Variants in EMC1 observed in about 807,000 individuals in gnomAD.
The protein encoded by EMC1 is KIAA0090.
EMC1 carries 103 observed loss-of-function variants against 128.8 expected under a neutral mutation model. The observed-to-expected ratio is 0.80, with a 90% CI of 0.68 to 0.94. EMC1 has a LOEUF of 0.94. Among genes scored for constraint, EMC1 ranks in the 40% least tolerant of loss-of-function variants. EMC1 has a pLI of 0.00. For missense variants in EMC1, 1,083 were observed against 1,250.6 expected (o/e 0.87, Z 2.02); for synonymous variants, 442 against 490.4 (o/e 0.90, Z 1.30).
rs3850531 is a variant in EMC1 at position 19,239,888 on chromosome 1, A to G, written c.884T>C (p.Leu295Ser). 4.7e-3 allele frequency: 7,650 copies of G among 1,614,152 alleles called. 198 individuals are homozygous for G. In the East Asian group the frequency reaches 0.068, roughly 14 times the overall value. The change falls in exon 8 of 23, where the codon TTG becomes TCG. Residue 295 changes from leucine (L) to serine (S), a missense_variant. This residue lies in a region of EMC1 where 544 missense variants were observed against 572.4 expected (regional missense o/e 0.95). Transcript: ENST00000477853. ...CAGCAGAGCATAGTGGCTTGGGGACAAGTGCAGGAAGAACTGGGCCCGGGA... is the reference window on the plus strand; with the variant it reads ...CAGCAGAGCATAGTGGCTTGGGGACGAGTGCAGGAAGAACTGGGCCCGGGA... The part of the protein sequence containing the change: ...DASRAQFFLH[L>S]SPSHYALLQY...
chr1:19,239,694 C>A, intron 8 of EMC1, 124 bp downstream of exon 8: 1 of 955,278 alleles, frequency 1.0e-6, no homozygotes, highest in Non-Finnish European at 1.6e-6. Context: ...AAACCACTTA[C>A]GGGAAGGTGT....
intron 1 of EMC1, among the ~76,000 whole-genome samples, chr1:19,248,603 A>G (rs937699621): frequency 6.6e-6 from 1 of 151,916 alleles, no homozygotes; most frequent in African/African-American, 2.4e-5. Context: ...TATTTTTAGG[A>G]GAGACGGGGT....
Position 19,222,824 on chromosome 1 carries a change from C to T in EMC1, c.2387G>A (p.Trp796Ter), listed in dbSNP as rs1252881522. 1 of 1,609,800 alleles carries T rather than the reference C, an allele frequency of 6.2e-7. No homozygotes were observed. Among genetic ancestry groups the T allele is most frequent in the East Asian group, 2.2e-5 (1 of 44,800 alleles). Residue 796 changes from tryptophan (W) to a stop codon, truncating the protein, a stop_gained, in exon 20 of 23, where the codon TGG (tryptophan) becomes TAG (stop). Coordinates refer to ENST00000477853, the MANE Select transcript of EMC1 (RefSeq NM_015047.3). LOFTEE classifies it high-confidence loss of function. ...HSENWVVYQY[W>*]NTKARRNEFT... ...CTCGTTGCGCCGAGCCTTGGTGTTC[C>T]AGTACTGGTACTGCAGGGATAGGAG...
rs770774290 is a variant in EMC1, at chr1:19,239,321, A to ATGGGACCT, written c.955-20_955-19insAGGTCCCA. 1.8e-5 allele frequency: 29 copies of ATGGGACCT among 1,612,218 alleles called. No individual in the cohort carries two copies. In the Admixed American group the frequency reaches 4.8e-4, roughly 27 times the overall value. On this transcript the variant is annotated intron_variant, in intron 8 of 22. Transcript: ENST00000477853. ...GGGCAGTCTGGGGGAAAAGCAAGGC[A>ATGGGACCT]TCAGCTCCTAAATGGGACCAGTACT...
At position 19,218,726 on chromosome 1, in the gene EMC1, C is replaced by T. The variant is rs1476825508; in HGVS notation, c.*577G>A. On this transcript the variant is annotated 3_prime_UTR_variant, in exon 23 of 23. Coordinates refer to ENST00000477853, the MANE Select transcript of EMC1 (RefSeq NM_015047.3). ...TAAGTTTTGACATCACATATAGATC[C>T]CTCAACCCTAAGTTACTTTGGAGGG... The T allele has an allele frequency of 1.3e-5, 2 of 153,042 alleles. No homozygotes were observed. Among genetic ancestry groups the T allele is most frequent in the African/African-American group, 4.8e-5 (2 of 41,420 alleles). 9.5% of individuals were successfully genotyped at this position (153,042 alleles called of 1,614,324 possible).
intron 17 of EMC1, 141 bp from the exon 18 acceptor site, chr1:19,227,591 G>T (rs1162071291): frequency 1.1e-5 from 11 of 1,030,444 alleles, no homozygotes; most frequent in Non-Finnish European, 1.4e-6. Flanking sequence ...AATGAGCCAG[G>T]AGCAGTGGCT....
rs777919151 is a variant in EMC1 at position 19,227,454 on chromosome 1, G to A, written c.2065-4C>T. ...AACTCAGCTCAGTGGTGAGATCCTA[G>A]GGCAGGGGCAAAAAAGCCTGTAATC... On this transcript the variant is annotated splice_polypyrimidine_tract_variant and splice_region_variant and intron_variant, in intron 17 of 22. Transcript: ENST00000477853. The A allele has an allele frequency of 8.1e-6, 13 of 1,613,946 alleles. No individual in the cohort carries two copies. The highest frequency in any genetic ancestry group is 1.6e-4 in the Middle Eastern group (1 of 6,082).
Position 19,233,153 on chromosome 1 carries a change from T to A in EMC1, c.1433-18A>T. Reference sequence around the variant, plus strand: ...CAAGCCATCTGGTGTAAAGGAAAAGTAACATACTCTACATCAGACTAGGGG... The same window carrying A: ...CAAGCCATCTGGTGTAAAGGAAAAGAAACATACTCTACATCAGACTAGGGG... On this transcript the variant is annotated intron_variant, in intron 13 of 22. Coordinates refer to ENST00000477853, the MANE Select transcript of EMC1 (RefSeq NM_015047.3). The A allele has an allele frequency of 6.2e-7, 1 of 1,604,452 alleles. No homozygotes were observed. Among genetic ancestry groups the A allele is most frequent in the Non-Finnish European group, 8.5e-7 (1 of 1,172,790 alleles).
chr1:19,220,671 C>A, intron 21 of EMC1, 93 bp downstream of exon 21: 1 of 1,012,850 alleles, frequency 9.9e-7, no homozygotes, highest in Non-Finnish European at 1.5e-6. Flanking sequence ...CCTAGCACAG[C>A]ATGAAGGCAC....
At chr1:19,236,337 C>G (rs2093563193) in intron 12 of EMC1, among the ~76,000 whole-genome samples, 1 of 151,154 alleles carries the variant, frequency 6.6e-6, no homozygotes, top group Admixed American at 6.6e-5. Flanking sequence ...CCAGCCTGGG[C>G]AACAAGAGCA....
At position 19,239,837 on chromosome 1, in the gene EMC1, A is replaced by G. The variant is rs969270384; in HGVS notation, c.935T>C (p.Leu312Ser). Residue 312 changes from leucine (L) to serine (S), a missense_variant, in exon 8 of 23, where the codon TTG (leucine) becomes TCG (serine). By Grantham distance (145) the Leu-to-Ser change is moderately radical (BLOSUM62 -2). Coordinates refer to ENST00000477853, the MANE Select transcript of EMC1 (RefSeq NM_015047.3). The part of the protein sequence containing the change: ...LLQYHYGTLS[L>S]LKNFPQTALV... Reference sequence around the variant, plus strand: ...AGTTACCTGTGGGAAGTTTTTAAGCAAACTCAGCGTTCCATAATGGTACTG... The same window carrying G: ...AGTTACCTGTGGGAAGTTTTTAAGCGAACTCAGCGTTCCATAATGGTACTG... The G allele has an allele frequency of 8.1e-6, 13 of 1,613,858 alleles. No individual in the cohort carries two copies. Among genetic ancestry groups the G allele is most frequent in the Non-Finnish European group, 1.1e-5 (13 of 1,179,972 alleles).
intron 18 of EMC1, among the ~76,000 whole-genome samples, chr1:19,223,965 C>G (rs710874): frequency 0.98 from 148,792 of 152,294 alleles, 72,721 homozygotes; most frequent in East Asian, 1. Context: ...GGTCACCACC[C>G]CCCTCCCCAT....
At chr1:19,233,193 C>T (rs2093537552) in intron 13 of EMC1, 58 bp from the exon 14 acceptor site, 3 of 1,449,440 alleles carry the variant, frequency 2.1e-6, no homozygotes, top group South Asian at 1.3e-5. Context: ...TAAGGAGGTA[C>T]ATGATTTTCC....
Position 19,230,824 on chromosome 1 carries a change from G to A in EMC1, c.2064+20C>T, listed in dbSNP as rs1350642446. On this transcript the variant is annotated intron_variant, in intron 17 of 22. Transcript: ENST00000477853. ...CTGCATCTCATCCACAAAGGGTTGT[G>A]CCAGGACATGCCTTCCTACCTTTCG... 6.2e-7 allele frequency: 1 copy of A among 1,613,826 alleles called. No homozygotes were observed. Among genetic ancestry groups the A allele is most frequent in the Admixed American group, 1.7e-5 (1 of 59,940 alleles).
intron 8 of EMC1, chr1:19,239,571 A>G: frequency 1.7e-6 from 1 of 583,510 alleles, no homozygotes; most frequent in African/African-American, 1.9e-5. Context: ...GCTCTCATTT[A>G]TGTCCCCATA....
At position 19,220,578 on chromosome 1, in the gene EMC1, T is replaced by TA. The variant is rs2093423790; in HGVS notation, c.2672+185_2672+186insT. 6.3e-6 allele frequency: 3 copies of TA among 473,542 alleles called. No individual in the cohort carries two copies. In the Admixed American group the frequency reaches 1.1e-4, roughly 18 times the overall value. The allele number at this position is 473,542 out of a possible 1,614,324, so 29.3% of individuals were successfully genotyped here. On this transcript the variant is annotated intron_variant, in intron 21 of 22. Coordinates refer to ENST00000477853, the MANE Select transcript of EMC1 (RefSeq NM_015047.3). ...ATATTTTACTTGTTTATCTTATGTA[T>TA]TTATTGTCCATTTCCCAGCAGACTG...
chr1:19,226,492 AGG>A (rs2093474310), intron 18 of EMC1, among the ~76,000 whole-genome samples: 2 of 152,146 alleles, frequency 1.3e-5, no homozygotes, highest in Non-Finnish European at 2.9e-5. Flanking sequence ...TTTTGAAGAC[AGG>A]GTTTTACTAT....
At position 19,233,125 on chromosome 1, in the gene EMC1, C is replaced by A. The variant is rs765996354; in HGVS notation, c.1443G>T (p.Leu481=). The A allele has an allele frequency of 6.2e-7, 1 of 1,613,906 alleles. No homozygotes were observed. The highest frequency in any genetic ancestry group is 8.5e-7 in the Non-Finnish European group (1 of 1,179,856). The change falls in exon 14 of 23, where the codon CTG becomes CTT. Residue 481 remains leucine (L), a synonymous_variant. Coordinates refer to ENST00000477853, the MANE Select transcript of EMC1 (RefSeq NM_015047.3). ...GEFGKKADGL[L]GMFLKRLSSQ... is the part of the protein sequence containing the mutation. ...ACGAGAGGCGTTTCAGGAACATCCC[C>A]AGCAAGCCATCTGGTGTAAAGGAAA...
chr1:19,226,768 T>C (rs2093477411), intron 18 of EMC1, among the ~76,000 whole-genome samples: 1 of 151,672 alleles, frequency 6.6e-6, no homozygotes, highest in South Asian at 2.1e-4. Context: ...AGACAAGGTT[T>C]CAGCCATGTT....
Sources: allele counts gnomAD v4.1 joint callset (sites outside exome capture counted in the v4.1 genomes callset), GRCh38; gene constraint gnomAD v4.1.1; regional missense constraint gnomAD v4.1.1; transcripts MANE v1.5; gene names NCBI Gene and HGNC (gene_info 2026-07-23, HGNC 2026-07-21).